ZMYND8: variants seen among roughly 807,000 people sequenced by gnomAD.
The protein encoded by ZMYND8 is MYND-type zinc finger-containing chromatin reader ZMYND8.
ZMYND8 carries 37 observed loss-of-function variants against 140.8 expected under a neutral mutation model. The ratio of observed to expected loss-of-function variants is 0.26; its 90% CI spans 0.20 to 0.35. The LOEUF (loss-of-function observed/expected upper bound fraction) is 0.35, where lower values mean the gene tolerates loss of function less well. Ranked by LOEUF, ZMYND8 falls within the 10% of genes least tolerant of loss-of-function variation. The probability of loss-of-function intolerance (pLI) is 1.00; values close to 1 mark genes in which losing one functional copy is unlikely to be tolerated. For missense variants in ZMYND8, 1,068 were observed against 1,570.0 expected (o/e 0.68, Z 5.40); for synonymous variants, 592 against 597.1 (o/e 0.99, Z 0.12).
In ZMYND8 at chr20:47,276,613, T is replaced by C; in HGVS notation, c.1181A>G (p.Gln394Arg). 3 of 1,613,930 alleles carry C rather than the reference T, an allele frequency of 1.9e-6. No individual in the cohort carries two copies. Among genetic ancestry groups the C allele is most frequent in the Non-Finnish European group, 2.5e-6 (3 of 1,180,006 alleles). The change falls in exon 11 of 23, where the codon CAG (glutamine) becomes CGG (arginine). Residue 394 changes from glutamine (Q) to arginine (R), a missense_variant. This residue lies in a region of ZMYND8 where 49 missense variants were observed against 94.1 expected (regional missense o/e 0.52). Transcript: ENST00000471951. Reference protein sequence around the residue: ...PFRTPYTPNSQYQMLLDPTNP... With the variant: ...PFRTPYTPNSRYQMLLDPTNP... ...GGTGGGATCGAGCAGCATTTGATAC[T>C]GGCTGTTGGGTGTGTAGGGTGTCCT... is the stretch of plus-strand genomic sequence containing the variant.
chr20:47,276,994 C>T (rs1291252648), intron 10 of ZMYND8, among the ~76,000 whole-genome samples, 199 bp from the exon 11 acceptor site: 1 of 146,818 alleles, frequency 6.8e-6, no homozygotes, highest in Non-Finnish European at 1.5e-5. Context: ...AGAACATGAA[C>T]AACAAAACTT....
At chr20:47,214,927 A>G (rs2035853673) in intron 21 of ZMYND8, among the ~76,000 whole-genome samples, 1 of 152,188 alleles carries the variant, frequency 6.6e-6, no homozygotes, top group Non-Finnish European at 1.5e-5. Flanking sequence ...TTAAGAAAAA[A>G]GTCTCTGCTG....
chr20:47,288,392 C>CT (rs11411701), intron 7 of ZMYND8, among the ~76,000 whole-genome samples: 42,720 of 123,158 alleles, frequency 0.35, 8,742 homozygotes, highest in African/African-American at 0.48. Context: ...TACACCAATT[C>CT]TTTTTTTTTT....
intron 12 of ZMYND8, among the ~76,000 whole-genome samples, chr20:47,255,763 T>TAC (rs2074638512): frequency 1.3e-4 from 12 of 89,022 alleles, no homozygotes; most frequent in South Asian, 6.0e-4. Flanking sequence ...TATATATATA[T>TAC]ACGGTATATA....
chr20:47,212,601 A>G, intron 22 of ZMYND8, 41 bp downstream of exon 22: 1 of 1,606,144 alleles, frequency 6.2e-7, no homozygotes, highest in Non-Finnish European at 8.5e-7. Context: ...GCATACCAGG[A>G]AGAAGCCCCG....
chr20:47,246,637 C>T (rs781518083), intron 13 of ZMYND8, 120 bp from the exon 14 acceptor site: 1 of 1,382,306 alleles, frequency 7.2e-7, no homozygotes, highest in Non-Finnish European at 9.6e-7. Flanking sequence ...CAAATCGCAT[C>T]ACATTGGCCT....
chr20:47,339,841 A>G (rs2081695719), intron 2 of ZMYND8, among the ~76,000 whole-genome samples: 1 of 152,156 alleles, frequency 6.6e-6, no homozygotes, highest in Non-Finnish European at 1.5e-5. Context: ...ATAACCTTCT[A>G]TCTTTATCAT....
intron 12 of ZMYND8, among the ~76,000 whole-genome samples, chr20:47,256,805 C>T (rs1351218440): frequency 6.6e-6 from 1 of 152,154 alleles, no homozygotes; most frequent in African/African-American, 2.4e-5. Context: ...AGAAAGGATG[C>T]CTCCTGTCAT....
At chr20:47,345,533 A>C (rs2082265195) in intron 2 of ZMYND8, among the ~76,000 whole-genome samples, 1 of 145,176 alleles carries the variant, frequency 6.9e-6, no homozygotes. Flanking sequence ...TTTAAGACGG[A>C]GTCTCGCTCT....
At position 47,238,944 on chromosome 20, in the gene ZMYND8, G is replaced by A; in HGVS notation, c.2479C>T (p.Pro827Ser). Reference protein sequence around the residue: ...SPVKKQRPLLPKETAPAVQRV... With the variant: ...SPVKKQRPLLSKETAPAVQRV... ...TGCACGGCCGGGGCAGTCTCCTTCG[G>A]TAAAAGCGGCCTCTGCTTTTTCACT... The change falls in exon 15 of 23, where the codon CCG (proline) becomes TCG (serine). Residue 827 changes from proline to serine, a missense_variant. Pro to Ser is a moderately conservative substitution (Grantham distance 74). Around this residue, in one of 10 missense-constraint regions of ZMYND8, gnomAD observed 383 missense variants for 431.2 expected, o/e 0.89. Coordinates refer to ENST00000471951, the MANE Select transcript of ZMYND8 (RefSeq NM_001281775.3). 1 of 1,613,812 alleles carries A rather than the reference G, an allele frequency of 6.2e-7. No homozygotes were observed. Among genetic ancestry groups the A allele is most frequent in the South Asian group, 1.1e-5 (1 of 91,078 alleles).
chr20:47,255,981 G>A (rs1396463569), intron 12 of ZMYND8, among the ~76,000 whole-genome samples: 1 of 150,340 alleles, frequency 6.7e-6, no homozygotes, highest in Non-Finnish European at 1.5e-5. Context: ...GCTGAGGCAG[G>A]AGAATCACCC....
At chr20:47,283,489 C>A in intron 9 of ZMYND8, 82 bp downstream of exon 9, 1 of 1,418,290 alleles carries the variant, frequency 7.1e-7, no homozygotes, top group Non-Finnish European at 9.9e-7. Flanking sequence ...ATCTAATAAG[C>A]CACCTGGAAA....
chr20:47,282,337 T>C (rs1008537949), intron 9 of ZMYND8, 120 bp from the exon 10 acceptor site: 2 of 800,252 alleles, frequency 2.5e-6, no homozygotes, highest in African/African-American at 3.6e-5. Flanking sequence ...GGAAAAAGAG[T>C]TTCAAGCAGG....
Position 47,318,596 on chromosome 20 carries a change from A to ATC in ZMYND8, c.86-8393_86-8392insGA, listed in dbSNP as rs1461865872. On this transcript the variant is annotated intron_variant, in intron 2 of 22. Coordinates refer to ENST00000471951, the MANE Select transcript of ZMYND8 (RefSeq NM_001281775.3). ...AATGCCTAAGCCAGGAGGAACTTGT[A>ATC]AATGAAAACCGCTCGCATTAGCAAA... 1.0e-5 allele frequency: 4 copies of ATC among 388,564 alleles called. No homozygotes were observed. The East Asian group carries it at 2.9e-4, about 28-fold the overall frequency. The allele number at this position is 388,564 out of a possible 1,614,324, so 24.1% of individuals were successfully genotyped here. A position where few individuals can be genotyped will look rare whatever the true frequency, so the allele number is the denominator to read the frequency against.
Position 47,313,223 on chromosome 20 carries a change from GAA to G in ZMYND8, c.86-3021_86-3020del, listed in dbSNP as rs56704156. On this transcript the variant is annotated intron_variant, in intron 2 of 22. Transcript: ENST00000471951. The stretch of plus-strand genomic sequence containing the variant: ...GGTGAAAAGGAGAGACACTGTCTCT[GAA>G]AAAAAAAAAAAAAAATTTAATTATA... Among the ~76,000 whole-genome samples the G allele has an allele frequency of 8.8e-3, 1,112 of 125,978 alleles. 17 individuals carry two copies. Among genetic ancestry groups the G allele is most frequent in the African/African-American group, 0.025 (966 of 37,958 alleles). 82.6% of individuals were successfully genotyped at this position (125,978 alleles called of 152,430 possible). A position where few individuals can be genotyped will look rare whatever the true frequency, so the allele number is the denominator to read the frequency against.
chr20:47,221,519 CGAT>C (rs1399412495), intron 19 of ZMYND8, 45 bp from the exon 20 acceptor site: 5 of 1,592,732 alleles, frequency 3.1e-6, no homozygotes, highest in Non-Finnish European at 4.3e-6. Flanking sequence ...ACACAGAGTA[CGAT>C]GATTTTGAAA....
intron 3 of ZMYND8, among the ~76,000 whole-genome samples, chr20:47,303,599 G>T (rs2078245348): frequency 2.0e-5 from 3 of 152,104 alleles, no homozygotes; most frequent in African/African-American, 7.2e-5. Context: ...GGAGGTTGAG[G>T]CAGGAAGAAG....
Position 47,339,406 on chromosome 20 carries a change from T to C in ZMYND8, c.85+8450A>G, listed in dbSNP as rs531109024. Among the ~76,000 whole-genome samples, 6 of 152,318 alleles carry C rather than the reference T, an allele frequency of 3.9e-5. No homozygotes were observed. The East Asian group carries it at 5.8e-4, about 15-fold the overall frequency. On this transcript the variant is annotated intron_variant, in intron 2 of 22. Transcript: ENST00000471951. ...AGTCATTCTCACCACCTGACAGACCTAGCAATAAAAATTCACTGTCTCTAA... is the reference window on the plus strand; with the variant it reads ...AGTCATTCTCACCACCTGACAGACCCAGCAATAAAAATTCACTGTCTCTAA...
intron 10 of ZMYND8, among the ~76,000 whole-genome samples, chr20:47,277,542 C>A (rs943880489): frequency 2.0e-5 from 3 of 152,254 alleles, no homozygotes; most frequent in Non-Finnish European, 2.9e-5. Flanking sequence ...ACTTGGCTAC[C>A]ATGTATGATC....
Sources: allele counts gnomAD v4.1 joint callset (sites outside exome capture counted in the v4.1 genomes callset), GRCh38; gene constraint gnomAD v4.1.1; regional missense constraint gnomAD v4.1.1; transcripts MANE v1.5; gene names NCBI Gene and HGNC (gene_info 2026-07-23, HGNC 2026-07-21).